HMX1: variants seen among roughly 807,000 people sequenced by gnomAD.
HMX1 encodes the protein H6 family homeobox 1.
A neutral mutation model predicts 8.9 loss-of-function variants in HMX1; 8 were observed. The ratio of observed to expected loss-of-function variants is 0.90; its 90% CI spans 0.53 to 1.63. HMX1 has a LOEUF of 1.63. HMX1 is among the 40% of genes most tolerant of loss of function. The pLI is 0.00. For synonymous variants in HMX1, 311 were observed against 283.4 expected (o/e 1.10, Z -0.98); for missense variants, 621 against 558.5 (o/e 1.11, Z -1.13).
chr4:8,868,364 AC>A lies in HMX1; in HGVS notation c.395-20del. ...TCGCTGGCTGCAGGGGAGAGAGGGC[AC>A]CACCGTTGGTTCTAGGGCACTGATT... On this transcript the variant is annotated intron_variant, in intron 1 of 1. Coordinates refer to ENST00000400677, the MANE Select transcript of HMX1 (RefSeq NM_018942.3). The surrounding 1 kb of genome is among the most constrained non-coding windows in gnomAD (Gnocchi z 4.6). 7.4e-7 allele frequency: 1 copy of A among 1,352,712 alleles called. No individual in the cohort carries two copies. The highest frequency in any genetic ancestry group is 9.4e-7 in the Non-Finnish European group (1 of 1,058,856). The allele number at this position is 1,352,712 out of a possible 1,614,324, so 83.8% of individuals were successfully genotyped here.
Position 8,867,385 on chromosome 4 carries a change from C to A in HMX1, c.*308G>T. 1 of 1,051,122 alleles carries A rather than the reference C, an allele frequency of 9.5e-7. No individual in the cohort carries two copies. The highest frequency in any genetic ancestry group is 7.2e-5 in the East Asian group (1 of 13,844). 65.1% of individuals were successfully genotyped at this position (1,051,122 alleles called of 1,614,324 possible). A position where few individuals can be genotyped will look rare whatever the true frequency, so the allele number is the denominator to read the frequency against. On this transcript the variant is annotated 3_prime_UTR_variant, in exon 2 of 2. Coordinates refer to ENST00000400677, the MANE Select transcript of HMX1 (RefSeq NM_018942.3). ...GGCAGCTGCCCCGGGTGGCCATGGC[C>A]GACCGCTCCTCGCTGAGGCCGGGGG...
Position 8,871,299 on chromosome 4 carries a change from AGGGCGGCCCGGGACCGGG to A in HMX1, c.298_315del (p.Pro100_Pro105del). On this transcript the variant is annotated inframe_deletion, in exon 1 of 2. Coordinates refer to ENST00000400677, the MANE Select transcript of HMX1 (RefSeq NM_018942.3). This position sits in a 1 kb window ranked among gnomAD's most constrained non-coding sequence, Gnocchi z 4.8. ...GCTGCGCCTCCGCAGCCCAGAGCGA[AGGGCGGCCCGGGACCGGG>A]GGGCGGCCGAGGACCGAGGCCCAGC... 8 of 1,435,908 alleles carry A rather than the reference AGGGCGGCCCGGGACCGGG, an allele frequency of 5.6e-6. No individual in the cohort carries two copies. The highest frequency in any genetic ancestry group is 7.3e-6 in the Non-Finnish European group (8 of 1,101,054). The allele number at this position is 1,435,908 out of a possible 1,614,324, so 88.9% of individuals were successfully genotyped here.
chr4:8,862,282 T>A (rs183475410), downstream of HMX1, among the ~76,000 whole-genome samples: 2 of 152,216 alleles, frequency 1.3e-5, no homozygotes, highest in Non-Finnish European at 2.9e-5. Context: ...AGACCCCGAT[T>A]GGGCGTAGAT....
intron 1 of HMX1, among the ~76,000 whole-genome samples, chr4:8,854,519 C>G (rs1222143354): frequency 6.6e-6 from 1 of 152,248 alleles, no homozygotes; most frequent in Non-Finnish European, 1.5e-5. Context: ...CCCTTCCAGG[C>G]TGCAACACAA....
At chr4:8,856,450 A>G (rs1282448880) in intron 1 of HMX1, among the ~76,000 whole-genome samples, 1 of 152,120 alleles carries the variant, frequency 6.6e-6, no homozygotes, top group Non-Finnish European at 1.5e-5. Flanking sequence ...TAGCTCTGGT[A>G]CAAATGAAGA....
rs1280540683 is a variant in HMX1 at position 8,871,317 on chromosome 4, G to C, written c.298C>G (p.Pro100Ala). The stretch of plus-strand genomic sequence containing the variant: ...AGAGCGAAGGGCGGCCCGGGACCGG[G>C]GGGCGGCCGAGGACCGAGGCCCAGC... ...GALGLGPRPP[P>A]GPGPPFALGC... The change falls in exon 1 of 2, where the codon CCC becomes GCC. Residue 100 changes from proline (P) to alanine (A), a missense_variant. Transcript: ENST00000400677. The surrounding 1 kb of genome is among the most constrained non-coding windows in gnomAD (Gnocchi z 4.8). 2 of 1,381,432 alleles carry C rather than the reference G, an allele frequency of 1.4e-6. No individual in the cohort carries two copies. The highest frequency in any genetic ancestry group is 3.2e-5 in the East Asian group (1 of 31,732). 85.6% of individuals were successfully genotyped at this position (1,381,432 alleles called of 1,614,324 possible).
chr4:8,857,897 G>A (rs979628647), intron 1 of HMX1, among the ~76,000 whole-genome samples: 7 of 152,154 alleles, frequency 4.6e-5, no homozygotes, highest in Admixed American at 6.5e-5. Context: ...CCCAGTTCCA[G>A]GAGCCGCGTC....
intron 1 of HMX1, among the ~76,000 whole-genome samples, chr4:8,851,421 AC>A (rs1032675150): frequency 2.0e-5 from 3 of 152,198 alleles, no homozygotes; most frequent in African/African-American, 7.2e-5. Flanking sequence ...TGTACAATGC[AC>A]CCCAAGGGGC....
chr4:8,868,412 C>A lies in HMX1; in HGVS notation c.395-67G>T. 8.5e-7 allele frequency: 1 copy of A among 1,180,510 alleles called. No individual in the cohort carries two copies. The highest frequency in any genetic ancestry group is 3.1e-5 in the South Asian group (1 of 32,776). The allele number at this position is 1,180,510 out of a possible 1,614,324, so 73.1% of individuals were successfully genotyped here. On this transcript the variant is annotated intron_variant, in intron 1 of 1. Coordinates refer to ENST00000400677, the MANE Select transcript of HMX1 (RefSeq NM_018942.3). This position sits in a 1 kb window ranked among gnomAD's most constrained non-coding sequence, Gnocchi z 4.6. ...GATTACCAGACTCAATCACTGAGGC[C>A]AGCCGTCCCCACCTTGAGGTCGCTC...
chr4:8,867,790 A>G lies in HMX1; in HGVS notation c.950T>C (p.Leu317Pro). Residue 317 changes from leucine (L) to proline (P), a missense_variant, in exon 2 of 2, where the codon CTG becomes CCG. Transcript: ENST00000400677. ...APAAPAPPPP[L>P]LGFSGALAYP... ...GGCGAGGGCCCCGGAGAAGCCGAGC[A>G]GCGGTGGGGGCGGCGCGGGCGCGGC... 2 of 1,252,794 alleles carry G rather than the reference A, an allele frequency of 1.6e-6. No individual in the cohort carries two copies. Among genetic ancestry groups the G allele is most frequent in the Non-Finnish European group, 2.0e-6 (2 of 1,003,272 alleles). The allele number at this position is 1,252,794 out of a possible 1,614,324, so 77.6% of individuals were successfully genotyped here. A position where few individuals can be genotyped will look rare whatever the true frequency, so the allele number is the denominator to read the frequency against.
At chr4:8,850,320 G>A (rs969514050) in intron 1 of HMX1, among the ~76,000 whole-genome samples, 7 of 152,192 alleles carry the variant, frequency 4.6e-5, no homozygotes, top group Admixed American at 4.6e-4. Flanking sequence ...CCACCTTGGG[G>A]TGGTCAGCTC....
rs778426391 is a variant in HMX1, at chr4:8,849,738, C to T, written c.395-3414G>A. ...GGGGTTTTTCTCCCTCTCTTCCAAT[C>T]CTCTGCCCTTGCTGGGTAGGGCAGG... On this transcript the variant is annotated intron_variant, in intron 1 of 1. Coordinates refer to the HMX1 transcript ENST00000506970. The surrounding 1 kb of genome is among the most constrained non-coding windows in gnomAD (Gnocchi z 6.6). Among the ~76,000 whole-genome samples the T allele has an allele frequency of 6.6e-6, 1 of 152,206 alleles. No individual in the cohort carries two copies. Among genetic ancestry groups the T allele is most frequent in the Non-Finnish European group, 1.5e-5 (1 of 68,038 alleles).
chr4:8,860,695 G>C (rs543791742), intron 1 of HMX1: 2 of 152,308 alleles, frequency 1.3e-5, no homozygotes, highest in African/African-American at 4.8e-5. Context: ...GGTTAACACC[G>C]CTTCCTTCCA....
chr4:8,861,714 C>T (rs1210017387), intron 1 of HMX1, among the ~76,000 whole-genome samples: 1 of 151,686 alleles, frequency 6.6e-6, no homozygotes, highest in East Asian at 1.9e-4. Flanking sequence ...GGGGCGCCGT[C>T]GTTCCAGGGG....
At chr4:8,859,836 T>C (rs575462068) in intron 1 of HMX1, among the ~76,000 whole-genome samples, 3 of 152,308 alleles carry the variant, frequency 2.0e-5, no homozygotes, top group Non-Finnish European at 2.9e-5. Context: ...CGAAGAAAGC[T>C]TCCAGGGGAG....
At position 8,848,180 on chromosome 4, in the gene HMX1, A is replaced by T. The variant is rs1721333171; in HGVS notation, c.395-1856T>A. On this transcript the variant is annotated intron_variant, in intron 1 of 1. Transcript: ENST00000506970. The surrounding 1 kb of genome is among the most constrained non-coding windows in gnomAD (Gnocchi z 4.1). ...CGGCATCTGAATGGAGATGTGCTGT[A>T]AGTAAAAAATGCATACTTTTGTGCT... 6.6e-6 allele frequency among the ~76,000 whole-genome samples: 1 copy of T among 152,254 alleles called. No homozygotes were observed. Among genetic ancestry groups the T allele is most frequent in the African/African-American group, 2.4e-5 (1 of 41,474 alleles).
Position 8,871,496 on chromosome 4 carries a change from C to T in HMX1, c.119G>A (p.Gly40Asp), listed in dbSNP as rs1577202495. 6.0e-6 allele frequency: 8 copies of T among 1,340,898 alleles called. No individual in the cohort carries two copies. The South Asian group carries it at 9.8e-5, about 17-fold the overall frequency. 83.1% of individuals were successfully genotyped at this position (1,340,898 alleles called of 1,614,324 possible). A position where few individuals can be genotyped will look rare whatever the true frequency, so the allele number is the denominator to read the frequency against. The change falls in exon 1 of 2, where the codon GGC becomes GAC. Residue 40 changes from glycine to aspartate, a missense_variant. Transcript: ENST00000400677. The surrounding 1 kb of genome is among the most constrained non-coding windows in gnomAD (Gnocchi z 4.8). ...KGAGRATQGD[G>D]SREDEEEDDD... Reference sequence around the variant, plus strand: ...GTCCTCCTCCTCGTCCTCCCGGCTGCCGTCGCCCTGGGTCGCGCGCCCTGC... The same window carrying T: ...GTCCTCCTCCTCGTCCTCCCGGCTGTCGTCGCCCTGGGTCGCGCGCCCTGC...
chr4:8,869,235 A>C (rs1184454917), intron 1 of HMX1, among the ~76,000 whole-genome samples: 1 of 152,222 alleles, frequency 6.6e-6, no homozygotes, highest in Non-Finnish European at 1.5e-5. Context: ...TCCTAGGAAC[A>C]AGAAGAGGCC....
rs1012984504 is a variant in HMX1, at chr4:8,848,191, G to T, written c.395-1867C>A. ...TGGAGATGTGCTGTAAGTAAAAAAT[G>T]CATACTTTTGTGCTCTCCAAAGAGA... is the stretch of plus-strand genomic sequence containing the variant. On this transcript the variant is annotated intron_variant, in intron 1 of 1. Coordinates refer to the HMX1 transcript ENST00000506970. This position sits in a 1 kb window ranked among gnomAD's most constrained non-coding sequence, Gnocchi z 4.1. Among the ~76,000 whole-genome samples, 1 of 152,168 alleles carries T rather than the reference G, an allele frequency of 6.6e-6. No homozygotes were observed. Among genetic ancestry groups the T allele is most frequent in the African/African-American group, 2.4e-5 (1 of 41,450 alleles).
Sources: allele counts gnomAD v4.1 joint callset (sites outside exome capture counted in the v4.1 genomes callset), GRCh38; gene constraint gnomAD v4.1.1; non-coding constraint Gnocchi (gnomAD v3.1); transcripts MANE v1.5; gene names NCBI Gene and HGNC (gene_info 2026-07-23, HGNC 2026-07-21).